The following RIF1 variants were observed in gnomAD, a reference collection of about 807,000 sequenced individuals.
The protein encoded by RIF1 is telomere-associated protein RIF1.
In RIF1, 45 loss-of-function variants were observed where a neutral mutation model predicts 247.1. The ratio of observed to expected loss-of-function variants is 0.18; its 90% CI spans 0.14 to 0.23. The LOEUF (loss-of-function observed/expected upper bound fraction) is 0.23. Among genes scored for constraint, RIF1 ranks in the 10% least tolerant of loss-of-function variants. The pLI is 1.00. For missense variants in RIF1, 2,967 were observed against 2,862.5 expected, an observed-to-expected ratio of 1.04 and a Z score of -0.83; for synonymous variants, 1,087 against 978.8, an observed-to-expected ratio of 1.11 and a Z score of -2.06.
rs192569351 is a variant in RIF1 at position 151,492,024 on chromosome 2, G to A, written c.*416-3205G>A. The stretch of plus-strand genomic sequence containing the variant: ...GAAGTCCTTTATGTTTTGACTTGAT[G>A]TAGGTAATGCTACTTTTGTTCTTCT... On this transcript the variant is annotated intron_variant and NMD_transcript_variant, in intron 9 of 13. Transcript: ENST00000454583. The A allele has an allele frequency of 7.3e-5, 106 of 1,446,438 alleles. No homozygotes were observed. In the Middle Eastern group the frequency reaches 1.5e-3, roughly 21 times the overall value. 89.6% of individuals were successfully genotyped at this position (1,446,438 alleles called of 1,614,324 possible).
At chr2:151,518,885 G>T in the RIF1 span, 1 of 872,972 alleles carries the variant, frequency 1.1e-6, no homozygotes, top group South Asian at 1.4e-5. Flanking sequence ...TAGCAGAGAA[G>T]AAGATGCATC....
At chr2:151,532,050 G>C in the RIF1 span, 1 of 591,864 alleles carries the variant, frequency 1.7e-6, no homozygotes, top group African/African-American at 1.9e-5. Context: ...GTGTCTGATA[G>C]CAAAAGTGAA....
intron 13 of RIF1, chr2:151,507,250 GATT>G: frequency 7.2e-6 from 3 of 419,190 alleles, no homozygotes; most frequent in Non-Finnish European, 1.3e-5. Context: ...TTGCTTAGTA[GATT>G]TAACTTTGAA....
intron 12 of RIF1, chr2:151,506,146 T>C (rs1444124606): frequency 6.4e-7 from 1 of 1,570,418 alleles, no homozygotes; most frequent in East Asian, 2.2e-5. Flanking sequence ...ATATTGCAAG[T>C]GCATTCACTG....
At chr2:151,438,840 A>G in intron 14 of RIF1, 94 bp downstream of exon 14, 1 of 744,376 alleles carries the variant, frequency 1.3e-6, no homozygotes, top group South Asian at 1.7e-5. Flanking sequence ...GACTATATAA[A>G]ATTTATTTTA....
intron 15 of RIF1, among the ~76,000 whole-genome samples, chr2:151,440,804 A>T (rs1025856302): frequency 1.3e-5 from 2 of 152,192 alleles, no homozygotes; most frequent in African/African-American, 4.8e-5. Flanking sequence ...GCCTAACCCC[A>T]TATGTAAAGA....
intron 10 of RIF1, chr2:151,496,790 A>G (rs767228123): frequency 1.9e-6 from 2 of 1,066,714 alleles, no homozygotes; most frequent in Non-Finnish European, 2.7e-6. Context: ...GTGTTAGGCT[A>G]GAAGTAGCCC....
intron 10 of RIF1, 45 bp downstream of exon 10, chr2:151,433,273 T>C (rs1690506595): frequency 6.8e-7 from 1 of 1,480,208 alleles, no homozygotes; most frequent in Non-Finnish European, 9.3e-7. Flanking sequence ...TTTTTGTTAA[T>C]GTGTTCTTAA....
chr2:151,502,777 G>C, intron 11 of RIF1: 1 of 1,415,798 alleles, frequency 7.1e-7, no homozygotes, highest in Non-Finnish European at 9.8e-7. Context: ...TTTTTTTTTG[G>C]CCCCCTAAGA....
In RIF1 at chr2:151,473,480, A is replaced by G. The variant is rs537649144; in HGVS notation, c.7096-484A>G. On this transcript the variant is annotated intron_variant, in intron 34 of 35. Coordinates refer to ENST00000444746, the MANE Select transcript of RIF1 (RefSeq NM_018151.5). ...GTTTTTTGTAGAAGGGGGTTTCACT[A>G]TGTTTGCCAGGCTGGTCTTGAACTC... Among the ~76,000 whole-genome samples, 122 of 151,586 alleles carry G rather than the reference A, an allele frequency of 8.0e-4. 1 individual carries two copies. Among genetic ancestry groups the G allele is most frequent in the Middle Eastern group, 3.4e-3 (1 of 294 alleles).
chr2:151,502,762 A>AT (rs201290038), intron 11 of RIF1: 38,109 of 1,015,428 alleles, frequency 0.038, 129 homozygotes, highest in East Asian at 0.15. Context: ...AAATTAAGGG[A>AT]TTTTTTTTTT....
At chr2:151,470,618 T>G (rs1223099152) in intron 34 of RIF1, among the ~76,000 whole-genome samples, 1 of 152,174 alleles carries the variant, frequency 6.6e-6, no homozygotes, top group East Asian at 1.9e-4. Flanking sequence ...GTAGGCATAC[T>G]CAACCTGTAT....
Position 151,481,016 on chromosome 2 carries a change from A to G in RIF1, c.*5945A>G, listed in dbSNP as rs917908628. The G allele has an allele frequency of 6.6e-6, 1 of 152,218 alleles. No homozygotes were observed. The highest frequency in any genetic ancestry group is 2.4e-5 in the African/African-American group (1 of 41,460). 9.4% of individuals were successfully genotyped at this position (152,218 alleles called of 1,614,324 possible). ...TGAAAACATATTAAATTAAAATTTCAGTATCCAGAAATAAAGTTTTATTGG... is the reference window on the plus strand; with the variant it reads ...TGAAAACATATTAAATTAAAATTTCGGTATCCAGAAATAAAGTTTTATTGG... On this transcript the variant is annotated 3_prime_UTR_variant, in exon 36 of 36. Coordinates refer to ENST00000444746, the MANE Select transcript of RIF1 (RefSeq NM_018151.5).
chr2:151,414,587 T>C (rs531996580), intron 3 of RIF1, among the ~76,000 whole-genome samples: 3 of 152,224 alleles, frequency 2.0e-5, no homozygotes, highest in Non-Finnish European at 2.9e-5. Context: ...TGTAGAGATA[T>C]CCTTTATCTT....
chr2:151,486,190 G>A, downstream of RIF1: 1 of 401,684 alleles, frequency 2.5e-6, no homozygotes, highest in South Asian at 4.3e-5. Context: ...AGAGGCAAAG[G>A]ATATGAATAG....
At chr2:151,435,359 G>A (rs1690963205) in intron 10 of RIF1, 104 bp from the exon 11 acceptor site, 3 of 712,996 alleles carry the variant, frequency 4.2e-6, no homozygotes, top group Admixed American at 2.3e-5. Context: ...TCTGTAAAAT[G>A]GAATATATTA....
At chr2:151,501,547 TAA>T (rs1013651230) in intron 11 of RIF1, 22 of 877,612 alleles carry the variant, frequency 2.5e-5, no homozygotes, top group Middle Eastern at 2.4e-4. Context: ...AGACTTAACC[TAA>T]AAAAACAGCC....
intron 21 of RIF1, 23 bp from the exon 22 acceptor site, chr2:151,454,868 TTTAA>T (rs756705014): frequency 1.3e-6 from 2 of 1,528,310 alleles, no homozygotes; most frequent in Non-Finnish European, 8.8e-7. Context: ...TATTTGAGTT[TTTAA>T]TTAATTCAGT....
chr2:151,484,191 T>C (rs1237594150), downstream of RIF1, among the ~76,000 whole-genome samples: 1 of 152,232 alleles, frequency 6.6e-6, no homozygotes. Flanking sequence ...TGTTGAACAT[T>C]TTCCAGGCTT....
Sources: gnomAD v4.1 joint callset for allele counts (sites outside exome capture counted in the v4.1 genomes callset) on GRCh38, gnomAD v4.1.1 for gene constraint, MANE v1.5 for transcripts, NCBI Gene and HGNC (gene_info 2026-07-23, HGNC 2026-07-21) for gene names.